Variants in FMN1 observed in about 807,000 individuals in gnomAD.
FMN1 encodes formin-1.
A neutral mutation model predicts 132.4 loss-of-function variants in FMN1; 110 were observed. That is an observed-to-expected ratio of 0.83 (90% confidence interval 0.71 to 0.97). FMN1 has a LOEUF of 0.97. FMN1 is among the 50% of genes least tolerant of loss of function. FMN1 has a pLI of 0.00. For missense variants in FMN1, 1,792 were observed against 1,705.3 expected (o/e 1.05, Z -0.90); for synonymous variants, 722 against 651.7 (o/e 1.11, Z -1.64).
intron 19 of FMN1, among the ~76,000 whole-genome samples, chr15:32,783,041 T>A (rs1318590261): frequency 2.0e-5 from 3 of 151,950 alleles, no homozygotes; most frequent in Non-Finnish European, 4.4e-5. Context: ...ATCTACTGGG[T>A]ACAAGGTTCA....
rs751087422 is a variant in FMN1, at chr15:32,968,912, A to AGTGGGG, written c.2783_2788dup (p.Pro928_Pro929dup). On this transcript the variant is annotated inframe_insertion, in exon 8 of 21. Transcript: ENST00000616417. Reference sequence around the variant, plus strand: ...GTTGGGTGGGGCAGGGGAGTTAGGAAGTGGGGGTGGGGGTGGGGGTGGTGG... The same window carrying AGTGGGG: ...GTTGGGTGGGGCAGGGGAGTTAGGAAGTGGGGGTGGGGGTGGGGGTGGGGGTGGTGG... 2.6e-4 allele frequency: 19 copies of AGTGGGG among 72,544 alleles called. No individual in the cohort carries two copies. The highest frequency in any genetic ancestry group is 8.3e-4 in the Admixed American group (2 of 2,416). The allele number at this position is 72,544 out of a possible 1,614,324, so 4.5% of individuals were successfully genotyped here.
chr15:32,997,321 CTT>C (rs113292190), intron 7 of FMN1, among the ~76,000 whole-genome samples: 24 of 142,948 alleles, frequency 1.7e-4, no homozygotes, highest in African/African-American at 1.3e-4. Flanking sequence ...ATATCACCGT[CTT>C]TTTTTTTTTT....
intron 19 of FMN1, among the ~76,000 whole-genome samples, chr15:32,795,476 C>G (rs2057252596): frequency 6.6e-6 from 1 of 152,080 alleles, no homozygotes; most frequent in East Asian, 1.9e-4. Context: ...GCTAGAAGAG[C>G]TCATAGTCAC....
intron 9 of FMN1, among the ~76,000 whole-genome samples, chr15:32,957,166 C>T (rs754262363): frequency 6.6e-6 from 1 of 151,928 alleles, no homozygotes; most frequent in Non-Finnish European, 1.5e-5. Context: ...GAAGAGGAAA[C>T]AAACAGAGAT....
chr15:32,908,222 G>C (rs1233936099), intron 12 of FMN1: 2 of 372,796 alleles, frequency 5.4e-6, no homozygotes, highest in Non-Finnish European at 9.9e-6. Context: ...GTTTAGTCTA[G>C]GAGGAATTAA....
intron 16 of FMN1, among the ~76,000 whole-genome samples, chr15:32,876,078 A>G (rs906664635): frequency 1.1e-4 from 16 of 152,192 alleles, no homozygotes; most frequent in African/African-American, 3.1e-4. Context: ...AAAACAGGAA[A>G]TATCAAGGAT....
At chr15:32,806,354 T>C (rs1265757505) in intron 17 of FMN1, among the ~76,000 whole-genome samples, 1 of 152,210 alleles carries the variant, frequency 6.6e-6, no homozygotes, top group Non-Finnish European at 1.5e-5. Context: ...ATCTGTCCCA[T>C]GAGAACAGCC....
Position 32,767,892 on chromosome 15 carries a change from T to C in FMN1, c.*6418A>G, listed in dbSNP as rs575160662. 2 of 152,316 alleles carry C rather than the reference T, an allele frequency of 1.3e-5. No homozygotes were observed. Among genetic ancestry groups the C allele is most frequent in the Admixed American group, 1.3e-4 (2 of 15,302 alleles). The allele number at this position is 152,316 out of a possible 1,614,324, so 9.4% of individuals were successfully genotyped here. On this transcript the variant is annotated 3_prime_UTR_variant, in exon 21 of 21. Transcript: ENST00000616417. ...AATGGAAATGGAAGCCTTCCAAATA[T>C]TATGCAGAACACAATCTCAGTGGCG...
At chr15:32,838,933 GA>G (rs1457529787) in intron 17 of FMN1, among the ~76,000 whole-genome samples, 1 of 152,140 alleles carries the variant, frequency 6.6e-6, no homozygotes, top group East Asian at 1.9e-4. Flanking sequence ...GATGAGTGAT[GA>G]GTCTCCATTT....
intron 7 of FMN1, among the ~76,000 whole-genome samples, chr15:32,984,771 A>G (rs973971324): frequency 6.6e-6 from 1 of 152,152 alleles, no homozygotes; most frequent in Non-Finnish European, 1.5e-5. Flanking sequence ...AAATTGCATT[A>G]AGCAGGATCC....
chr15:32,969,620 A>T, intron 7 of FMN1, 143 bp from the exon 8 acceptor site: 1 of 1,036,132 alleles, frequency 9.7e-7, no homozygotes. Context: ...TCTTTTAAGA[A>T]TCCATAAAGG....
intron 4 of FMN1, among the ~76,000 whole-genome samples, chr15:33,122,645 G>T (rs1962676220): frequency 6.6e-6 from 1 of 150,872 alleles, no homozygotes; most frequent in East Asian, 1.9e-4. Context: ...GGTACAATGT[G>T]AGAGAGAAAA....
At chr15:32,894,691 T>C (rs2060112012) in intron 15 of FMN1, among the ~76,000 whole-genome samples, 1 of 152,018 alleles carries the variant, frequency 6.6e-6, no homozygotes, top group Admixed American at 6.6e-5. Flanking sequence ...CATGTAAGAT[T>C]AGACTAAGTT....
rs777115788 is a variant in FMN1 at position 33,028,534 on chromosome 15, AAAAT to A, written c.2162-20463_2162-20460del. On this transcript the variant is annotated intron_variant, in intron 6 of 20. Transcript: ENST00000616417. ...AGAGGAAAAAATAAAAATAAAAATA[AAAAT>A]AAATAAATAAATAAAAATTTTTAAA... Among the ~76,000 whole-genome samples the A allele has an allele frequency of 4.1e-3, 531 of 130,752 alleles. 2 individuals carry two copies. Among genetic ancestry groups the A allele is most frequent in the Admixed American group, 0.012 (165 of 13,838 alleles). 85.8% of individuals were successfully genotyped at this position (130,752 alleles called of 152,430 possible).
intron 11 of FMN1, among the ~76,000 whole-genome samples, chr15:32,909,650 T>C (rs886881744): frequency 6.6e-6 from 1 of 152,154 alleles, no homozygotes; most frequent in African/African-American, 2.4e-5. Context: ...GGAAATACCA[T>C]TACTTAAGAG....
chr15:32,899,254 T>A (rs1418768078), intron 14 of FMN1, among the ~76,000 whole-genome samples: 1 of 152,186 alleles, frequency 6.6e-6, no homozygotes, highest in African/African-American at 2.4e-5. Context: ...GCACCCTCCC[T>A]GCCCGTCTTT....
intron 6 of FMN1, among the ~76,000 whole-genome samples, chr15:33,011,490 T>C (rs938075975): frequency 1.3e-5 from 2 of 151,980 alleles, no homozygotes; most frequent in Admixed American, 6.6e-5. Flanking sequence ...ATTTATCTTA[T>C]AGCATAGTAT....
chr15:33,072,032 C>T (rs1212719391), intron 5 of FMN1, among the ~76,000 whole-genome samples: 1 of 152,130 alleles, frequency 6.6e-6, no homozygotes, highest in Non-Finnish European at 1.5e-5. Context: ...TCAAGACAAA[C>T]TCTCTAACTG....
intron 7 of FMN1, among the ~76,000 whole-genome samples, chr15:32,974,304 T>C (rs184257769): frequency 2.2e-4 from 33 of 152,300 alleles, no homozygotes; most frequent in Admixed American, 3.9e-4. Flanking sequence ...GTTTGATATC[T>C]TTCCAGTCTT....
Sources: gnomAD v4.1 joint callset for allele counts (sites outside exome capture counted in the v4.1 genomes callset) on GRCh38, gnomAD v4.1.1 for gene constraint, MANE v1.5 for transcripts, NCBI Gene and HGNC (gene_info 2026-07-23, HGNC 2026-07-21) for gene names.